Variants in CDC14B observed in about 807,000 individuals in gnomAD.
CDC14B encodes the protein cell division cycle 14B.
Under a neutral mutation model 64.2 loss-of-function variants are expected in CDC14B, and 22 were observed. The ratio of observed to expected loss-of-function variants is 0.34; its 90% confidence interval spans 0.24 to 0.49. CDC14B has a LOEUF of 0.49. Ranked by LOEUF, CDC14B falls within the 20% of genes least tolerant of loss-of-function variation. The pLI, the probability that CDC14B is intolerant of heterozygous loss-of-function variation, is 0.99. For synonymous variants in CDC14B, 191 were observed against 215.8 expected (o/e 0.89, Z 1.01); for missense variants, 498 against 629.9 (o/e 0.79, Z 2.24).
In CDC14B at chr9:96,503,860, G is replaced by C; in HGVS notation, c.1461-71C>G. The stretch of plus-strand genomic sequence containing the variant: ...GTCCACAGGCAGTTATCAAAGACAA[G>C]GAGGGCAACATAATAAAAATACTGA... On this transcript the variant is annotated intron_variant, in intron 13 of 13. Coordinates refer to ENST00000375241, the MANE Select transcript of CDC14B (RefSeq NM_033331.4). 3 of 1,191,142 alleles carry C rather than the reference G, an allele frequency of 2.5e-6. No individual in the cohort carries two copies. In the Admixed American group the frequency reaches 5.7e-5, roughly 22 times the overall value. 73.8% of individuals were successfully genotyped at this position (1,191,142 alleles called of 1,614,324 possible).
In CDC14B at chr9:96,539,616, A is replaced by T. The variant is rs1839766312; in HGVS notation, c.565-476T>A. On this transcript the variant is annotated intron_variant, in intron 6 of 13. Coordinates refer to ENST00000375241, the MANE Select transcript of CDC14B (RefSeq NM_033331.4). ...ACCCTCATACTTCATCCATATCTTC[A>T]TTTTCAAATTCTTCCGAACAGTCTT... is the stretch of plus-strand genomic sequence containing the variant. Among the ~76,000 whole-genome samples, 5 of 152,302 alleles carry T rather than the reference A, an allele frequency of 3.3e-5. No individual in the cohort carries two copies. The South Asian group carries it at 1.0e-3, about 32-fold the overall frequency.
rs190872628 is a variant in CDC14B, at chr9:96,576,013, C to T, written c.161-10530G>A. On this transcript the variant is annotated intron_variant, in intron 1 of 13. Coordinates refer to ENST00000375241, the MANE Select transcript of CDC14B (RefSeq NM_033331.4). ...TTCACAGGCTGGGCTTGGCGGCTCG[C>T]GCCTGTAATCCCAGCACTTTGGGAG... 2.3e-3 allele frequency among the ~76,000 whole-genome samples: 355 copies of T among 152,322 alleles called. 2 individuals carry two copies. Among genetic ancestry groups the T allele is most frequent in the Non-Finnish European group, 3.5e-3 (240 of 68,022 alleles).
At chr9:96,538,354 T>TCC (rs1839572305) in intron 7 of CDC14B, among the ~76,000 whole-genome samples, 1 of 152,118 alleles carries the variant, frequency 6.6e-6, no homozygotes, top group Admixed American at 6.5e-5. Flanking sequence ...AAGACTTGAC[T>TCC]TTTTTTCACT....
chr9:96,571,701 GT>G (rs922338300), intron 1 of CDC14B, among the ~76,000 whole-genome samples: 4 of 152,042 alleles, frequency 2.6e-5, no homozygotes, highest in African/African-American at 9.7e-5. Flanking sequence ...CATAAGTTTT[GT>G]TACAACATCT....
Position 96,523,423 on chromosome 9 carries a change from A to C in CDC14B, c.1086-3T>G. On this transcript the variant is annotated splice_region_variant and splice_polypyrimidine_tract_variant and intron_variant, in intron 10 of 13. Coordinates refer to ENST00000375241, the MANE Select transcript of CDC14B (RefSeq NM_033331.4). Reference sequence around the variant, plus strand: ...CCAGCCAGAGGTTGGTTTGCTTCCTAGAGCATTTAAATAACATCAAAATAG... The same window carrying C: ...CCAGCCAGAGGTTGGTTTGCTTCCTCGAGCATTTAAATAACATCAAAATAG... The C allele has an allele frequency of 6.2e-7, 1 of 1,613,606 alleles. No homozygotes were observed. The highest frequency in any genetic ancestry group is 8.5e-7 in the Non-Finnish European group (1 of 1,179,724).
At chr9:96,539,292 C>T (rs776473695) in intron 6 of CDC14B, 152 bp from the exon 7 acceptor site, 111 of 583,056 alleles carry the variant, frequency 1.9e-4, no homozygotes, top group Non-Finnish European at 2.7e-4. Flanking sequence ...AGGAAGTGGG[C>T]GGCGTCTTCT....
At chr9:96,565,593 G>A (rs1314412823) in intron 1 of CDC14B, 110 bp from the exon 2 acceptor site, 2 of 776,228 alleles carry the variant, frequency 2.6e-6, no homozygotes, top group South Asian at 1.4e-5. Flanking sequence ...TTTCATGCAC[G>A]TTTCAGATGG....
chr9:96,588,734 A>C (rs1265451737), intron 1 of CDC14B, among the ~76,000 whole-genome samples: 1 of 152,186 alleles, frequency 6.6e-6, no homozygotes, highest in African/African-American at 2.4e-5. Context: ...TGATCGTCCC[A>C]AAATGTTGGG....
chr9:96,599,073 T>C (rs1353026232), intron 1 of CDC14B, among the ~76,000 whole-genome samples: 1 of 152,190 alleles, frequency 6.6e-6, no homozygotes, highest in Non-Finnish European at 1.5e-5. Flanking sequence ...ATTGGCAGCA[T>C]TTTTCCTTTC....
intron 5 of CDC14B, among the ~76,000 whole-genome samples, chr9:96,543,984 C>T (rs966937299): frequency 3.3e-5 from 5 of 151,882 alleles, no homozygotes; most frequent in East Asian, 1.9e-4. Context: ...TTTGGGAGGC[C>T]GAGGCAGGTG....
At chr9:96,518,078 T>C (rs1461398067) in intron 12 of CDC14B, among the ~76,000 whole-genome samples, 1 of 152,164 alleles carries the variant, frequency 6.6e-6, no homozygotes, top group Non-Finnish European at 1.5e-5. Context: ...TACTTCCAAA[T>C]GGTCACCTGG....
At chr9:96,551,772 C>T (rs1182929135) in intron 5 of CDC14B, 24 bp downstream of exon 5, 4 of 1,601,558 alleles carry the variant, frequency 2.5e-6, no homozygotes, top group Non-Finnish European at 3.4e-6. Flanking sequence ...TTACCTGAAT[C>T]TACCACATCA....
At chr9:96,522,741 C>A in intron 11 of CDC14B, 138 bp from the exon 12 acceptor site, 1 of 633,290 alleles carries the variant, frequency 1.6e-6, no homozygotes, top group Non-Finnish European at 2.8e-6. Context: ...CACAATCAAG[C>A]TTCAGGTGAC....
At chr9:96,496,941 G>A (rs975850434), downstream of CDC14B, among the ~76,000 whole-genome samples, 3 of 152,240 alleles carry the variant, frequency 2.0e-5, no homozygotes, top group East Asian at 1.9e-4. Flanking sequence ...TGGACCGTCC[G>A]GTGGCACCGA....
chr9:96,582,662 TA>T (rs35125111), intron 1 of CDC14B, among the ~76,000 whole-genome samples: 1 of 152,162 alleles, frequency 6.6e-6, no homozygotes, highest in Non-Finnish European at 1.5e-5. Context: ...AAGGCCTTAC[TA>T]AAAAAATTAA....
intron 1 of CDC14B, among the ~76,000 whole-genome samples, chr9:96,614,174 C>T (rs747250704): frequency 3.9e-5 from 6 of 152,120 alleles, no homozygotes; most frequent in Non-Finnish European, 7.4e-5. Flanking sequence ...TTAACACAAA[C>T]CACCAAGAAT....
chr9:96,600,232 C>CA (rs931500060), intron 1 of CDC14B, among the ~76,000 whole-genome samples: 6 of 148,196 alleles, frequency 4.0e-5, no homozygotes, highest in Non-Finnish European at 7.4e-5. Context: ...CCATCTCTAC[C>CA]AAAAAAATTA....
chr9:96,530,251 C>T (rs1425234911), intron 9 of CDC14B, among the ~76,000 whole-genome samples: 1 of 150,790 alleles, frequency 6.6e-6, no homozygotes, highest in East Asian at 1.9e-4. Flanking sequence ...TTAATTCTAG[C>T]AGGGGCTCTG....
intron 1 of CDC14B, among the ~76,000 whole-genome samples, chr9:96,575,380 G>A (rs1300608150): frequency 6.6e-6 from 1 of 152,160 alleles, no homozygotes. Context: ...GTAGAAAAAA[G>A]TAATCTTATC....
Sources: gnomAD v4.1 joint callset for allele counts (sites outside exome capture counted in the v4.1 genomes callset) on GRCh38, gnomAD v4.1.1 for gene constraint, MANE v1.5 for transcripts, NCBI Gene and HGNC (gene_info 2026-07-23, HGNC 2026-07-21) for gene names.